NEO1: variants seen among roughly 807,000 people sequenced by gnomAD.
NEO1 encodes neogenin.
NEO1 carries 63 observed loss-of-function variants against 159.7 expected under a neutral mutation model. The observed-to-expected ratio is 0.39, with a 90% CI of 0.32 to 0.49. NEO1 has a LOEUF of 0.49. NEO1 is among the 20% of genes least tolerant of loss of function. The pLI is 0.85. For synonymous variants in NEO1, 633 were observed against 662.0 expected (o/e 0.96, Z 0.67); for missense variants, 1,615 against 1,831.0 (o/e 0.88, Z 2.15).
intron 7 of NEO1, among the ~76,000 whole-genome samples, chr15:73,212,563 A>C (rs1254570004): frequency 6.6e-6 from 1 of 152,222 alleles, no homozygotes; most frequent in Non-Finnish European, 1.5e-5. Context: ...AACTGAAGCT[A>C]AAAATAGCTT....
intron 1 of NEO1, among the ~76,000 whole-genome samples, chr15:73,106,129 A>C (rs967790821): frequency 6.6e-6 from 1 of 152,172 alleles, no homozygotes; most frequent in Non-Finnish European, 1.5e-5. Context: ...TTTACTGTTT[A>C]GATGTCAGAC....
chr15:73,252,300 C>T (rs915368622), intron 11 of NEO1, among the ~76,000 whole-genome samples: 7 of 152,116 alleles, frequency 4.6e-5, no homozygotes, highest in South Asian at 2.1e-4. Context: ...AAAACAAATC[C>T]GGTTTACTTT....
At chr15:73,165,960 G>A (rs1277530154) in intron 5 of NEO1, among the ~76,000 whole-genome samples, 3 of 152,148 alleles carry the variant, frequency 2.0e-5, no homozygotes, top group Non-Finnish European at 2.9e-5. Flanking sequence ...GGGCATGTCT[G>A]GGCAAGTCAC....
chr15:73,186,523 TTTAAGA>T (rs2035938950), intron 7 of NEO1, among the ~76,000 whole-genome samples: 1 of 152,108 alleles, frequency 6.6e-6, no homozygotes, highest in South Asian at 2.1e-4. Context: ...AAAATATATT[TTTAAGA>T]TTAATTGCTT....
chr15:73,164,841 T>C (rs1460321426), intron 5 of NEO1, among the ~76,000 whole-genome samples: 2 of 152,244 alleles, frequency 1.3e-5, no homozygotes, highest in Non-Finnish European at 2.9e-5. Context: ...CTATGCTATA[T>C]ATGTGGCTAC....
chr15:73,275,563 G>A (rs1385125868), intron 21 of NEO1, among the ~76,000 whole-genome samples: 2 of 152,142 alleles, frequency 1.3e-5, no homozygotes, highest in African/African-American at 2.4e-5. Flanking sequence ...GCTGAGGTGG[G>A]AGGATGGTTT....
chr15:73,052,131 C>T (rs1229744197), upstream of NEO1, among the ~76,000 whole-genome samples: 2 of 149,640 alleles, frequency 1.3e-5, no homozygotes, highest in Non-Finnish European at 3.0e-5. Context: ...GCGCCCGGCG[C>T]GCGCGCCCCG....
intron 18 of NEO1, among the ~76,000 whole-genome samples, chr15:73,271,520 C>T (rs188313618): frequency 2.8e-4 from 42 of 152,288 alleles, no homozygotes; most frequent in African/African-American, 9.9e-4. Context: ...GAGCTGTAAC[C>T]TCAATAGTTG....
intron 11 of NEO1, among the ~76,000 whole-genome samples, chr15:73,251,152 A>G (rs949266720): frequency 1.3e-5 from 2 of 152,208 alleles, no homozygotes; most frequent in Non-Finnish European, 2.9e-5. Flanking sequence ...TGAATTTGAA[A>G]AGAACAGCCA....
Position 73,288,658 on chromosome 15 carries a change from A to G in NEO1, c.3649+107A>G, listed in dbSNP as rs79735991. 4,844 of 890,678 alleles carry G rather than the reference A, an allele frequency of 5.4e-3. 67 individuals are homozygous for G. The highest frequency in any genetic ancestry group is 0.047 in the East Asian group (1,932 of 40,842). 55.2% of individuals were successfully genotyped at this position (890,678 alleles called of 1,614,324 possible). A position where few individuals can be genotyped will look rare whatever the true frequency, so the allele number is the denominator to read the frequency against. ...CTTCATTTGGCAATTCCTATATGAGATCAGATTTAGAGAAATGTGTATGAT... is the reference window on the plus strand; with the variant it reads ...CTTCATTTGGCAATTCCTATATGAGGTCAGATTTAGAGAAATGTGTATGAT... On this transcript the variant is annotated intron_variant, in intron 24 of 28. Transcript: ENST00000261908.
chr15:73,302,488 T>A, intron 28 of NEO1, 125 bp from the exon 29 acceptor site: 2 of 772,428 alleles, frequency 2.6e-6, no homozygotes, highest in East Asian at 5.5e-5. Context: ...CCACCCTGCG[T>A]GTTAGTAGCC....
In NEO1 at chr15:73,286,450, T is replaced by G. The variant is rs138916801; in HGVS notation, c.3411-1863T>G. Among the ~76,000 whole-genome samples, 1,494 of 152,276 alleles carry G rather than the reference T, an allele frequency of 9.8e-3. 13 individuals are homozygous for G. The highest frequency in any genetic ancestry group is 0.015 in the Non-Finnish European group (987 of 68,018). ...TCTACCTAGCCATCAAATACAGACA[T>G]TCCTCAGGGCCTGGGCCTGGACTTA... On this transcript the variant is annotated intron_variant, in intron 23 of 28. Transcript: ENST00000261908.
chr15:73,139,974 A>G (rs1324968047), intron 5 of NEO1, among the ~76,000 whole-genome samples: 5 of 152,248 alleles, frequency 3.3e-5, no homozygotes, highest in Non-Finnish European at 5.9e-5. Flanking sequence ...ATAAACAAAG[A>G]CAGAAACCAA....
At chr15:73,244,213 C>A (rs1191400936) in intron 8 of NEO1, 131 bp from the exon 9 acceptor site, 2 of 1,028,150 alleles carry the variant, frequency 1.9e-6, no homozygotes, top group Non-Finnish European at 1.4e-6. Flanking sequence ...TGTCCTACCC[C>A]CAAAAGCTTC....
intron 5 of NEO1, among the ~76,000 whole-genome samples, chr15:73,160,468 T>A (rs1024591655): frequency 2.6e-5 from 4 of 151,874 alleles, no homozygotes; most frequent in Non-Finnish European, 5.9e-5. Context: ...CTGGAGAGAG[T>A]GTCATATCTC....
chr15:73,198,574 A>T (rs1254496599), intron 7 of NEO1, among the ~76,000 whole-genome samples: 1 of 151,596 alleles, frequency 6.6e-6, no homozygotes, highest in Non-Finnish European at 1.5e-5. Flanking sequence ...CCAGTTTCAT[A>T]TTGTCCAGAT....
At chr15:73,120,333 AAG>A (rs1422783329) in intron 2 of NEO1, among the ~76,000 whole-genome samples, 1 of 151,264 alleles carries the variant, frequency 6.6e-6, no homozygotes, top group Non-Finnish European at 1.5e-5. Context: ...CAAGGTAAAA[AAG>A]CAGATTTTTT....
intron 8 of NEO1, among the ~76,000 whole-genome samples, chr15:73,240,031 C>T (rs1714530): frequency 0.094 from 14,334 of 152,080 alleles, 895 homozygotes; most frequent in African/African-American, 0.17. Context: ...TGCTGATGAA[C>T]ATCCTGCCAT....
At chr15:73,051,933 C>G (rs1227981840), upstream of NEO1, 1 of 152,622 alleles carries the variant, frequency 6.6e-6, no homozygotes, top group Non-Finnish European at 1.5e-5. Flanking sequence ...CCTCCCGGAC[C>G]AGCCTGAGCT....
Sources: gnomAD v4.1 joint callset for allele counts (sites outside exome capture counted in the v4.1 genomes callset) on GRCh38, gnomAD v4.1.1 for gene constraint, MANE v1.5 for transcripts, NCBI Gene and HGNC (gene_info 2026-07-23, HGNC 2026-07-21) for gene names.